TTC39A: variants seen among roughly 807,000 people sequenced by gnomAD.
TTC39A encodes tetratricopeptide repeat protein 39A.
Under a neutral mutation model 82.3 loss-of-function variants are expected in TTC39A, and 46 were observed. The ratio of observed to expected loss-of-function variants is 0.56; its 90% CI spans 0.44 to 0.71. TTC39A has a LOEUF of 0.71. Among genes scored for constraint, TTC39A ranks in the 30% least tolerant of loss-of-function variants. The pLI, the probability that TTC39A is intolerant of heterozygous loss-of-function variation, is 0.00. For synonymous variants in TTC39A, 254 were observed against 275.2 expected, an observed-to-expected ratio of 0.92 and a Z score of 0.76; for missense variants, 543 against 712.9, an observed-to-expected ratio of 0.76 and a Z score of 2.71.
chr1:51,327,316 G>A (rs1057127470), intron 1 of TTC39A, among the ~76,000 whole-genome samples: 8 of 152,314 alleles, frequency 5.3e-5, no homozygotes, highest in South Asian at 2.1e-4. Context: ...TTGGCTCAAC[G>A]AGTAAAATAA....
upstream of TTC39A, chr1:51,331,078 T>G: frequency 9.5e-7 from 1 of 1,052,904 alleles, no homozygotes. Flanking sequence ...CCTTCTCAAA[T>G]GATCCCCATA....
At chr1:51,318,265 G>A (rs899929024) in intron 2 of TTC39A, among the ~76,000 whole-genome samples, 1 of 152,108 alleles carries the variant, frequency 6.6e-6, no homozygotes, top group Non-Finnish European at 1.5e-5. Context: ...GTCCAGGCTC[G>A]AGTGAGTGAC....
chr1:51,330,980 C>A, upstream of TTC39A: 1 of 658,606 alleles, frequency 1.5e-6, no homozygotes, highest in Non-Finnish European at 2.7e-6. The surrounding 1 kb of genome is among the most constrained non-coding windows in gnomAD (Gnocchi z 4.5). Flanking sequence ...ATTTTAATCC[C>A]ACCATCTCGC....
chr1:51,314,982 G>A (rs1645229986), intron 2 of TTC39A, among the ~76,000 whole-genome samples: 1 of 152,166 alleles, frequency 6.6e-6, no homozygotes, highest in Non-Finnish European at 1.5e-5. Context: ...TCCTCGAGGA[G>A]GGGCTTCCCT....
Position 51,296,948 on chromosome 1 carries a change from A to G in TTC39A, c.1054-778T>C, listed in dbSNP as rs34773715. The G allele has an allele frequency of 8.7e-3, 1,329 of 152,622 alleles. 9 individuals carry two copies. Among genetic ancestry groups the G allele is most frequent in the South Asian group, 0.023 (109 of 4,832 alleles). The allele number at this position is 152,622 out of a possible 1,614,324, so 9.5% of individuals were successfully genotyped here. On this transcript the variant is annotated intron_variant, in intron 12 of 17. Coordinates refer to ENST00000680483, the MANE Select transcript of TTC39A (RefSeq NM_001297663.2). Reference sequence around the variant, plus strand: ...TCCCTGCACACCACGCCCCTTCCTCAGAAGTCCTGAGACAGGAGCCTGGCT... The same window carrying G: ...TCCCTGCACACCACGCCCCTTCCTCGGAAGTCCTGAGACAGGAGCCTGGCT...
intron 13 of TTC39A, 65 bp downstream of exon 13, chr1:51,296,014 G>T: frequency 6.5e-7 from 1 of 1,527,390 alleles, no homozygotes. Context: ...GGCCTGGCTG[G>T]TCTGTCCATA....
At chr1:51,331,609 TTTGGGC>T (rs1645912629), upstream of TTC39A, 1 of 985,268 alleles carries the variant, frequency 1.0e-6, no homozygotes, top group African/African-American at 1.7e-5. Context: ...AGCCAGGCAG[TTTGGGC>T]TTGGTGGTAG....
intron 13 of TTC39A, 123 bp downstream of exon 13, chr1:51,295,956 G>T: frequency 2.8e-6 from 3 of 1,066,444 alleles, no homozygotes; most frequent in Non-Finnish European, 4.2e-6. Flanking sequence ...GCGGGTGGGG[G>T]CAGGGAGCCA....
chr1:51,305,012 C>T, intron 8 of TTC39A, 69 bp downstream of exon 8: 1 of 1,567,498 alleles, frequency 6.4e-7, no homozygotes, highest in East Asian at 2.3e-5. Context: ...CCTGTCAGCC[C>T]CACCCTGTGC....
rs769658596 is a variant in TTC39A at position 51,290,521 on chromosome 1, T to C, written c.1371A>G (p.Lys457=). Residue 457 remains lysine (K), a synonymous_variant, in exon 15 of 18, where the codon AAA becomes AAG. Transcript: ENST00000680483. ...GGGCCTGAGGGAAGTCACCTGGGCC[T>C]TTCTCCAGCATCTCTTCAGCCTTAG... ...IITKAEEMLE[K]GPENEYSVDD... 7.4e-6 allele frequency: 12 copies of C among 1,613,682 alleles called. No homozygotes were observed. The highest frequency in any genetic ancestry group is 8.5e-6 in the Non-Finnish European group (10 of 1,179,738).
At position 51,318,506 on chromosome 1, in the gene TTC39A, C is replaced by T. The variant is rs190138354; in HGVS notation, c.146+3215G>A. On this transcript the variant is annotated intron_variant, in intron 2 of 17. Coordinates refer to ENST00000680483, the MANE Select transcript of TTC39A (RefSeq NM_001297663.2). Reference sequence around the variant, plus strand: ...ACGCCCTGGAACACCCACCCCACCCCAGAAGCTGGGCCACTGACCCTAGAC... The same window carrying T: ...ACGCCCTGGAACACCCACCCCACCCTAGAAGCTGGGCCACTGACCCTAGAC... Among the ~76,000 whole-genome samples the T allele has an allele frequency of 2.8e-3, 434 of 152,284 alleles. 4 individuals are homozygous for T. The highest frequency in any genetic ancestry group is 0.01 in the African/African-American group (425 of 41,556).
chr1:51,298,746 G>C (rs919249001), intron 12 of TTC39A: 3 of 152,758 alleles, frequency 2.0e-5, no homozygotes, highest in Admixed American at 1.3e-4. Context: ...TCTTGGCTTG[G>C]GGTGTCCTCT....
chr1:51,311,003 C>T (rs377747460), intron 5 of TTC39A, among the ~76,000 whole-genome samples: 3 of 152,194 alleles, frequency 2.0e-5, no homozygotes, highest in Non-Finnish European at 2.9e-5. Context: ...ATGCAGCAGT[C>T]GCACAGTGGA....
At chr1:51,311,371 A>G in intron 4 of TTC39A, 50 bp from the exon 5 acceptor site, 1 of 1,524,690 alleles carries the variant, frequency 6.6e-7, no homozygotes, top group African/African-American at 1.4e-5. Flanking sequence ...TCTAGTCAGG[A>G]GGCCTGGGAC....
At chr1:51,296,024 A>T (rs1644405663) in intron 13 of TTC39A, 55 bp downstream of exon 13, 3 of 1,538,004 alleles carry the variant, frequency 2.0e-6, no homozygotes, top group Non-Finnish European at 8.8e-7. Flanking sequence ...GTCTGTCCAT[A>T]GCGGCCTACA....
In TTC39A at chr1:51,321,662, C is replaced by T. The variant is rs1207211211; in HGVS notation, c.146+59G>A. The T allele has an allele frequency of 4.6e-6, 7 of 1,522,394 alleles. No individual in the cohort carries two copies. In the South Asian group the frequency reaches 4.7e-5, roughly 10 times the overall value. The allele number at this position is 1,522,394 out of a possible 1,614,324, so 94.3% of individuals were successfully genotyped here. On this transcript the variant is annotated intron_variant, in intron 2 of 17. Coordinates refer to ENST00000680483, the MANE Select transcript of TTC39A (RefSeq NM_001297663.2). The surrounding 1 kb of genome is among the most constrained non-coding windows in gnomAD (Gnocchi z 4.6). ...ACACAGGGTTCCTCTCATACAAGAC[C>T]TCTGGTTCTCCCTGACCGTCATGCA...
chr1:51,324,175 T>C (rs564509668), intron 1 of TTC39A, among the ~76,000 whole-genome samples: 196 of 152,316 alleles, frequency 1.3e-3, no homozygotes, highest in African/African-American at 4.6e-3. Context: ...AGTCTTTTTT[T>C]CCCACCAGAA....
chr1:51,329,683 C>CA (rs1294362219), intron 1 of TTC39A: 1 of 152,334 alleles, frequency 6.6e-6, no homozygotes, highest in Non-Finnish European at 1.5e-5. Flanking sequence ...CTCTGCCCAG[C>CA]AACCTCCCAG....
chr1:51,335,288 C>T, upstream of TTC39A: 1 of 152,202 alleles, frequency 6.6e-6, no homozygotes, highest in African/African-American at 2.4e-5. Flanking sequence ...GTGGCTCATG[C>T]CTGTAATCCC....
Sources: allele counts gnomAD v4.1 joint callset (sites outside exome capture counted in the v4.1 genomes callset), GRCh38; gene constraint gnomAD v4.1.1; non-coding constraint Gnocchi (gnomAD v3.1); transcripts MANE v1.5; gene names NCBI Gene and HGNC (gene_info 2026-07-23, HGNC 2026-07-21).